MEGF8: variants seen among roughly 807,000 people sequenced by gnomAD.
MEGF8 encodes multiple EGF like domains 8, also known as multiple epidermal growth factor-like domains protein 8.
Under a neutral mutation model 302.9 loss-of-function variants are expected in MEGF8, and 156 were observed. The ratio of observed to expected loss-of-function variants is 0.52; its 90% confidence interval spans 0.45 to 0.59. The LOEUF (loss-of-function observed/expected upper bound fraction) is 0.59, where lower values mean the gene tolerates loss of function less well. Ranked by LOEUF, MEGF8 falls within the 20% of genes least tolerant of loss-of-function variation. The pLI is 0.00. For synonymous variants in MEGF8, 1,621 were observed against 1,660.5 expected, an observed-to-expected ratio of 0.98 and a Z score of 0.58; for missense variants, 3,345 against 3,964.5, an observed-to-expected ratio of 0.84 and a Z score of 4.20.
rs1358868622 is a variant in MEGF8, at chr19:42,354,132, G to GT, written c.4011+115dup. ...CTAGTATTGCTGTTTTTTTTTTTTT[G>GT]TTTTTTTAATCCTTCAAAACCCAAA... is the stretch of plus-strand genomic sequence containing the variant. On this transcript the variant is annotated intron_variant, in intron 22 of 41. Coordinates refer to ENST00000251268, the MANE Select transcript of MEGF8 (RefSeq NM_001271938.2). This position sits in a 1 kb window ranked among gnomAD's most constrained non-coding sequence, Gnocchi z 4.3. 3 of 1,208,518 alleles carry GT rather than the reference G, an allele frequency of 2.5e-6. No homozygotes were observed. Among genetic ancestry groups the GT allele is most frequent in the East Asian group, 2.6e-5 (1 of 37,944 alleles). The allele number at this position is 1,208,518 out of a possible 1,614,324, so 74.9% of individuals were successfully genotyped here. A position where few individuals can be genotyped will look rare whatever the true frequency, so the allele number is the denominator to read the frequency against.
chr19:42,351,216 G>A lies in MEGF8; in HGVS notation c.2737G>A (p.Asp913Asn). Residue 913 changes from aspartate to asparagine, a missense_variant and splice_region_variant, in exon 16 of 42, where the codon GAC (aspartate) becomes AAC (asparagine). By Grantham distance (23) the Asp-to-Asn change is conservative. Transcript: ENST00000251268. This position sits in a 1 kb window ranked among gnomAD's most constrained non-coding sequence, Gnocchi z 5.6. Reference protein sequence around the residue: ...EHRDCHACTQDPFCEWHQSTS... With the variant: ...EHRDCHACTQNPFCEWHQSTS... ...ACTCCTCTGCCCAACTGACCCCCAG[G>A]ACCCCTTCTGTGAGTGGCATCAGAG... 1 of 1,558,032 alleles carries A rather than the reference G, an allele frequency of 6.4e-7. No homozygotes were observed. The highest frequency in any genetic ancestry group is 1.4e-5 in the African/African-American group (1 of 73,536).
chr19:42,346,984 C>CAAAAAAAAAAAAAAA (rs767117534), intron 12 of MEGF8, among the ~76,000 whole-genome samples: 1 of 49,804 alleles, frequency 2.0e-5, no homozygotes, highest in East Asian at 5.8e-4. Context: ...GACTCTGTCT[C>CAAAAAAAAAAAAAAA]AAAAAAAAAA....
chr19:42,360,658 C>T, intron 31 of MEGF8, 117 bp from the exon 32 acceptor site: 1 of 1,502,806 alleles, frequency 6.7e-7, no homozygotes. Flanking sequence ...TTTCTGCTGT[C>T]CTTTGACCCT....
chr19:42,369,860 G>A lies in MEGF8; in HGVS notation c.6834+137G>A, dbSNP rs2039661202. 1 of 1,027,942 alleles carries A rather than the reference G, an allele frequency of 9.7e-7. No individual in the cohort carries two copies. The highest frequency in any genetic ancestry group is 1.6e-5 in the South Asian group (1 of 61,540). 63.7% of individuals were successfully genotyped at this position (1,027,942 alleles called of 1,614,324 possible). On this transcript the variant is annotated intron_variant, in intron 38 of 41. Transcript: ENST00000251268. This position sits in a 1 kb window ranked among gnomAD's most constrained non-coding sequence, Gnocchi z 5.7. ...AGATAAGCCAGAGCCCTGTCCCAGG[G>A]AGATGTGTGGAGACTTGGGGGACGC...
Position 42,377,100 on chromosome 19 carries a change from G to A in MEGF8, c.*325G>A. 1 of 310,256 alleles carries A rather than the reference G, an allele frequency of 3.2e-6. No homozygotes were observed. The highest frequency in any genetic ancestry group is 5.9e-6 in the Non-Finnish European group (1 of 169,158). The allele number at this position is 310,256 out of a possible 1,614,324, so 19.2% of individuals were successfully genotyped here. On this transcript the variant is annotated 3_prime_UTR_variant, in exon 42 of 42. Coordinates refer to ENST00000251268, the MANE Select transcript of MEGF8 (RefSeq NM_001271938.2). ...CACACGCATACACACATGAACACAT[G>A]CACATGTGCACACACAAGTAAGATG...
chr19:42,376,021 G>A lies in MEGF8; in HGVS notation c.7784G>A (p.Arg2595Gln), dbSNP rs986834447. The A allele has an allele frequency of 4.4e-6, 7 of 1,605,214 alleles. No individual in the cohort carries two copies. Among genetic ancestry groups the A allele is most frequent in the Admixed American group, 1.7e-5 (1 of 59,762 alleles). Reference sequence around the variant, plus strand: ...CTGGTGGTCCGCGGCGTGCGGGACCGGCTGGTCATCACCTACCCACACGAG... The same window carrying A: ...CTGGTGGTCCGCGGCGTGCGGGACCAGCTGGTCATCACCTACCCACACGAG... ...AVLVVRGVRD[R>Q]LVITYPHEHH... The change falls in exon 42 of 42, where the codon CGG becomes CAG. Residue 2595 changes from arginine to glutamine, a missense_variant. Physicochemically the swap from Arg to Gln is conservative, Grantham distance 43. Coordinates refer to ENST00000251268, the MANE Select transcript of MEGF8 (RefSeq NM_001271938.2). The surrounding 1 kb of genome is among the most constrained non-coding windows in gnomAD (Gnocchi z 8.2).
intron 1 of MEGF8, 21 bp downstream of exon 1, chr19:42,326,451 C>T (rs2038985048): frequency 3.3e-6 from 5 of 1,511,312 alleles, no homozygotes; most frequent in Non-Finnish European, 3.5e-6. Context: ...CCGCGTGGGT[C>T]ACTCACTAAT....
chr19:42,335,381 C>T lies in MEGF8; in HGVS notation c.824C>T (p.Ala275Val). The T allele has an allele frequency of 1.2e-6, 2 of 1,613,878 alleles. No individual in the cohort carries two copies. The highest frequency in any genetic ancestry group is 1.7e-6 in the Non-Finnish European group (2 of 1,179,760). ...TGGGAGTCTTGGGACCTGAGTCCTGCCCCGGTATGGACCCCTCCTCTGCCC... is the reference window on the plus strand; with the variant it reads ...TGGGAGTCTTGGGACCTGAGTCCTGTCCCGGTATGGACCCCTCCTCTGCCC... Reference protein sequence around the residue: ...NTWESWDLSPAPAARHSHVAV... With the variant: ...NTWESWDLSPVPAARHSHVAV... The change falls in exon 5 of 42, where the codon GCC (alanine) becomes GTC (valine). Residue 275 changes from alanine to valine, a missense_variant. Transcript: ENST00000251268.
In MEGF8 at chr19:42,344,320, A is replaced by C. The variant is rs2039256647; in HGVS notation, c.1789-121A>C. ...CTCTGGATCTCCCACATTCCAAGTC[A>C]ACTCCCCGTTCTTCAGTTTTTTCGC... is the stretch of plus-strand genomic sequence containing the variant. On this transcript the variant is annotated intron_variant, in intron 10 of 41. Coordinates refer to ENST00000251268, the MANE Select transcript of MEGF8 (RefSeq NM_001271938.2). The surrounding 1 kb of genome is among the most constrained non-coding windows in gnomAD (Gnocchi z 4.5). 7.3e-7 allele frequency: 1 copy of C among 1,369,362 alleles called. No homozygotes were observed. Among genetic ancestry groups the C allele is most frequent in the Admixed American group, 2.5e-5 (1 of 40,512 alleles). 84.8% of individuals were successfully genotyped at this position (1,369,362 alleles called of 1,614,324 possible). A position where few individuals can be genotyped will look rare whatever the true frequency, so the allele number is the denominator to read the frequency against.
At position 42,359,084 on chromosome 19, in the gene MEGF8, C is replaced by T. The variant is rs369531263; in HGVS notation, c.5344-14C>T. ...CAGGCTGTCCTGTCCCCCCACCCCCCGTCTCCCCAACAGCCCCGCCCCCGG... is the reference window on the plus strand; with the variant it reads ...CAGGCTGTCCTGTCCCCCCACCCCCTGTCTCCCCAACAGCCCCGCCCCCGG... On this transcript the variant is annotated splice_polypyrimidine_tract_variant and intron_variant, in intron 30 of 41. Coordinates refer to ENST00000251268, the MANE Select transcript of MEGF8 (RefSeq NM_001271938.2). The T allele has an allele frequency of 1.8e-4, 265 of 1,504,104 alleles. 1 individual carries two copies. In the African/African-American group the frequency reaches 2.5e-3, roughly 14 times the overall value. The allele number at this position is 1,504,104 out of a possible 1,614,324, so 93.2% of individuals were successfully genotyped here. A position where few individuals can be genotyped will look rare whatever the true frequency, so the allele number is the denominator to read the frequency against.
At chr19:42,330,411 C>T (rs1358936129) in intron 1 of MEGF8, among the ~76,000 whole-genome samples, 1 of 152,166 alleles carries the variant, frequency 6.6e-6, no homozygotes, top group Non-Finnish European at 1.5e-5. Flanking sequence ...CAAAGATGTA[C>T]TTGTGATTCC....
chr19:42,340,742 A>G (rs1364222067), intron 8 of MEGF8, among the ~76,000 whole-genome samples: 1 of 152,076 alleles, frequency 6.6e-6, no homozygotes, highest in Non-Finnish European at 1.5e-5. Flanking sequence ...GTCTCCACTC[A>G]CTGCAACCTC....
At chr19:42,365,302 G>A (rs1053682069) in intron 35 of MEGF8, among the ~76,000 whole-genome samples, 11 of 152,098 alleles carry the variant, frequency 7.2e-5, no homozygotes, top group African/African-American at 2.7e-4. Flanking sequence ...TGAAGAGCTG[G>A]GGCAGCTAAG....
At chr19:42,364,310 G>A (rs1230113860) in intron 35 of MEGF8, among the ~76,000 whole-genome samples, 2 of 152,156 alleles carry the variant, frequency 1.3e-5, no homozygotes, top group East Asian at 1.9e-4. Context: ...CTGCCCCCCC[G>A]TGGGAGATAA....
rs111624233 is a variant in MEGF8, at chr19:42,356,321, G to A, written c.4504-14G>A. 472 of 1,606,064 alleles carry A rather than the reference G, an allele frequency of 2.9e-4. 1 individual carries two copies. In the African/African-American group the frequency reaches 4.2e-3, roughly 14 times the overall value. Reference sequence around the variant, plus strand: ...GACCCTAGCCTGATCCCCAATGTCCGCACCCACCCCTAGGACACTGCCAGC... The same window carrying A: ...GACCCTAGCCTGATCCCCAATGTCCACACCCACCCCTAGGACACTGCCAGC... On this transcript the variant is annotated splice_polypyrimidine_tract_variant and intron_variant, in intron 25 of 41. Transcript: ENST00000251268. This position sits in a 1 kb window ranked among gnomAD's most constrained non-coding sequence, Gnocchi z 5.2.
rs762781473 is a variant in MEGF8, at chr19:42,336,167, G to A, written c.1065G>A (p.Pro355=). The change falls in exon 6 of 42, where the codon CCG becomes CCA. Residue 355 remains proline (P), a synonymous_variant. Transcript: ENST00000251268. This position sits in a 1 kb window ranked among gnomAD's most constrained non-coding sequence, Gnocchi z 4.8. ...TATATGTGTCTGGAGGCCGCACCCC[G>A]CACGACCTCTTCTCCTCTGGCCTCT... ...VWLYVSGGRT[P]HDLFSSGLFR... is the part of the protein sequence containing the mutation. The A allele has an allele frequency of 1.1e-5, 18 of 1,610,752 alleles. No individual in the cohort carries two copies. Among genetic ancestry groups the A allele is most frequent in the African/African-American group, 2.7e-5 (2 of 74,944 alleles).
Position 42,344,884 on chromosome 19 carries a change from GGTTT to G in MEGF8, c.2097+56_2097+59del, listed in dbSNP as rs1178134293. The G allele has an allele frequency of 1.7e-5, 25 of 1,457,734 alleles. No individual in the cohort carries two copies. The East Asian group carries it at 5.2e-4, about 30-fold the overall frequency. 90.3% of individuals were successfully genotyped at this position (1,457,734 alleles called of 1,614,324 possible). On this transcript the variant is annotated intron_variant, in intron 12 of 41. Coordinates refer to ENST00000251268, the MANE Select transcript of MEGF8 (RefSeq NM_001271938.2). This position sits in a 1 kb window ranked among gnomAD's most constrained non-coding sequence, Gnocchi z 4.5. ...GGGGTGTTGATGATCCTGATCCTAG[GGTTT>G]GTTTTTTCTCAAATGCATCTTTATC...
At position 42,353,822 on chromosome 19, in the gene MEGF8, CCAA is replaced by C; in HGVS notation, c.3811_3813del (p.Asn1271del). 2 of 1,611,088 alleles carry C rather than the reference CCAA, an allele frequency of 1.2e-6. No homozygotes were observed. Among genetic ancestry groups the C allele is most frequent in the Non-Finnish European group, 1.7e-6 (2 of 1,178,182 alleles). On this transcript the variant is annotated inframe_deletion, in exon 22 of 42. Coordinates refer to ENST00000251268, the MANE Select transcript of MEGF8 (RefSeq NM_001271938.2). This position sits in a 1 kb window ranked among gnomAD's most constrained non-coding sequence, Gnocchi z 6.1. ...GAGTGTGGGGGTCGCGCCCTCCTCACCAACGTGTCCTCAGTGGCACTGGGCTCA... is the reference window on the plus strand; with the variant it reads ...GAGTGTGGGGGTCGCGCCCTCCTCACCGTGTCCTCAGTGGCACTGGGCTCA...
In MEGF8 at chr19:42,354,965, G is replaced by A. The variant is rs1446754871; in HGVS notation, c.4144+245G>A. Among the ~76,000 whole-genome samples, 2 of 152,146 alleles carry A rather than the reference G, an allele frequency of 1.3e-5. No individual in the cohort carries two copies. ...CTCTGGGGCATATAGAATGTGGTTG[G>A]TGTGAGGATCCCACACCACTCACTC... On this transcript the variant is annotated intron_variant, in intron 23 of 41. Transcript: ENST00000251268. This position sits in a 1 kb window ranked among gnomAD's most constrained non-coding sequence, Gnocchi z 4.3.
Sources: allele counts gnomAD v4.1 joint callset (sites outside exome capture counted in the v4.1 genomes callset), GRCh38; gene constraint gnomAD v4.1.1; non-coding constraint Gnocchi (gnomAD v3.1); transcripts MANE v1.5; gene names NCBI Gene and HGNC (gene_info 2026-07-23, HGNC 2026-07-21).